The following RBFOX2 variants were observed in gnomAD, a reference collection of about 807,000 sequenced individuals.
The protein encoded by RBFOX2 is RNA binding protein fox-1 homolog 2.
Under a neutral mutation model 49.1 loss-of-function variants are expected in RBFOX2, and 10 were observed. The ratio of observed to expected loss-of-function variants is 0.20; its 90% CI spans 0.13 to 0.35. RBFOX2 has a LOEUF of 0.35. RBFOX2 is among the 10% of genes least tolerant of loss of function. The pLI is 1.00. For synonymous variants in RBFOX2, 183 were observed against 187.4 expected, an observed-to-expected ratio of 0.98 and a Z score of 0.19; for missense variants, 323 against 486.9, an observed-to-expected ratio of 0.66 and a Z score of 3.17.
intron 9 of RBFOX2, among the ~76,000 whole-genome samples, chr22:35,758,411 C>T (rs1438468157): frequency 2.0e-5 from 3 of 152,140 alleles, no homozygotes; most frequent in Non-Finnish European, 4.4e-5. Context: ...GGTGAGTAGT[C>T]TCTCTTTGCA....
chr22:35,868,582 T>C (rs1480536981), intron 1 of RBFOX2, among the ~76,000 whole-genome samples: 3 of 151,962 alleles, frequency 2.0e-5, no homozygotes, highest in Admixed American at 2.0e-4. Context: ...AGGCCCTGTC[T>C]CTATTTTAAA....
At chr22:35,953,626 T>A (rs568740852) in intron 1 of RBFOX2, among the ~76,000 whole-genome samples, 53 of 152,322 alleles carry the variant, frequency 3.5e-4, no homozygotes, top group African/African-American at 1.2e-3. Flanking sequence ...GCCACCAAAT[T>A]GTTCACTTTT....
At chr22:35,988,593 G>A (rs897635895) in intron 1 of RBFOX2, among the ~76,000 whole-genome samples, 1 of 152,152 alleles carries the variant, frequency 6.6e-6, no homozygotes, top group African/African-American at 2.4e-5. Flanking sequence ...AAGGGTAGAA[G>A]GAGACATGTT....
chr22:35,924,588 G>A (rs1266375602), intron 1 of RBFOX2, among the ~76,000 whole-genome samples: 1 of 152,136 alleles, frequency 6.6e-6, no homozygotes, highest in Non-Finnish European at 1.5e-5. Flanking sequence ...CTCTGGCAAG[G>A]CAAAGGCAAT....
intron 1 of RBFOX2, among the ~76,000 whole-genome samples, chr22:35,881,459 TC>T (rs985983185): frequency 1.3e-5 from 2 of 151,420 alleles, no homozygotes; most frequent in African/African-American, 4.9e-5. Flanking sequence ...ACATCTGTAG[TC>T]CCACCCAGCT....
exon 1 of RBFOX2, chr22:35,840,535 C>G (rs555899203): frequency 8.2e-7 from 1 of 1,216,452 alleles, no homozygotes; most frequent in Admixed American, 3.6e-5. Context: ...TCCCCCCACC[C>G]CCTCCCAGCA....
At chr22:36,028,282 C>T (rs771233427) in exon 1 of RBFOX2, 11 of 1,534,486 alleles carry the variant, frequency 7.2e-6, no homozygotes, top group Admixed American at 1.8e-5. Flanking sequence ...CCTCAGTGCG[C>T]GGCCGCTTGC....
chr22:35,985,831 CCAG>C (rs2057683003), intron 1 of RBFOX2, among the ~76,000 whole-genome samples: 1 of 151,670 alleles, frequency 6.6e-6, no homozygotes, highest in African/African-American at 2.4e-5. Flanking sequence ...TCACTGGAGC[CCAG>C]AAGTTCAAGG....
At chr22:35,887,641 T>C (rs1320613020) in intron 1 of RBFOX2, among the ~76,000 whole-genome samples, 1 of 152,142 alleles carries the variant, frequency 6.6e-6, no homozygotes, top group African/African-American at 2.4e-5. Flanking sequence ...ACCACTTCTC[T>C]TCCCTCCAGG....
chr22:35,938,200 ACT>A (rs2053315467), intron 1 of RBFOX2, among the ~76,000 whole-genome samples: 1 of 152,096 alleles, frequency 6.6e-6, no homozygotes, highest in Non-Finnish European at 1.5e-5. Flanking sequence ...TTCTATCCTA[ACT>A]CTGTTTCAAC....
chr22:35,821,777 T>C (rs1954570773), intron 1 of RBFOX2: 2 of 518,548 alleles, frequency 3.9e-6, no homozygotes, highest in African/African-American at 1.9e-5. Context: ...TGGCAACACA[T>C]ACTCAGTACA....
At chr22:35,791,952 T>C (rs1176905565) in intron 2 of RBFOX2, among the ~76,000 whole-genome samples, 2 of 152,184 alleles carry the variant, frequency 1.3e-5, no homozygotes, top group Admixed American at 6.5e-5. Flanking sequence ...CAAAGGTCAG[T>C]AGATATTTCT....
chr22:35,935,191 C>T (rs1738329561), intron 1 of RBFOX2, among the ~76,000 whole-genome samples: 1 of 152,156 alleles, frequency 6.6e-6, no homozygotes, highest in South Asian at 2.1e-4. Flanking sequence ...CTGCCTTGGC[C>T]TCCCAAAGTG....
intron 1 of RBFOX2, among the ~76,000 whole-genome samples, chr22:35,877,578 T>C (rs532875669): frequency 3.5e-4 from 54 of 152,250 alleles, no homozygotes; most frequent in African/African-American, 1.2e-3. Context: ...CCAAGAACTG[T>C]TCTGAGAGCG....
At chr22:35,987,966 T>C (rs1346741838) in intron 1 of RBFOX2, among the ~76,000 whole-genome samples, 4 of 152,214 alleles carry the variant, frequency 2.6e-5, no homozygotes, top group Non-Finnish European at 4.4e-5. Context: ...AAACTTATTC[T>C]GTAAATTATT....
chr22:35,834,664 T>C (rs946657497), intron 1 of RBFOX2, among the ~76,000 whole-genome samples: 1 of 152,086 alleles, frequency 6.6e-6, no homozygotes, highest in Admixed American at 6.6e-5. Flanking sequence ...GAAGACATTT[T>C]GGGCAGGGAG....
chr22:35,974,803 T>C (rs1350378826), intron 1 of RBFOX2, among the ~76,000 whole-genome samples: 1 of 152,176 alleles, frequency 6.6e-6, no homozygotes, highest in Non-Finnish European at 1.5e-5. Context: ...CTTATTGCCC[T>C]CATCTTACTG....
At chr22:35,756,130 T>C (rs1279842730) in intron 9 of RBFOX2, 1 of 1,502,930 alleles carries the variant, frequency 6.7e-7, no homozygotes, top group South Asian at 1.3e-5. Flanking sequence ...GTAAAATCCG[T>C]CCTGGTAAAC....
chr22:35,938,431 C>T (rs1244640312), intron 1 of RBFOX2, among the ~76,000 whole-genome samples: 1 of 152,062 alleles, frequency 6.6e-6, no homozygotes, highest in Non-Finnish European at 1.5e-5. Context: ...CTGAATTCCC[C>T]CAGGGAGGAG....
Sources: gnomAD v4.1 joint callset for allele counts (sites outside exome capture counted in the v4.1 genomes callset) on GRCh38, gnomAD v4.1.1 for gene constraint, MANE v1.5 for transcripts, NCBI Gene and HGNC (gene_info 2026-07-23, HGNC 2026-07-21) for gene names.